DNAH11: variants seen among roughly 807,000 people sequenced by gnomAD.
DNAH11 encodes the protein axonemal beta dynein heavy chain 11.
Under a neutral mutation model 526.0 loss-of-function variants are expected in DNAH11, and 442 were observed. The ratio of observed to expected loss-of-function variants is 0.84; its 90% CI spans 0.78 to 0.91. The LOEUF is 0.91. Ranked by LOEUF, DNAH11 falls within the 40% of genes least tolerant of loss-of-function variation. The pLI, the probability that DNAH11 is intolerant of heterozygous loss-of-function variation, is 0.00. For missense variants in DNAH11, 6,989 were observed against 5,448.7 expected, an observed-to-expected ratio of 1.28 and a Z score of -8.90; for synonymous variants, 2,461 against 1,935.9, an observed-to-expected ratio of 1.27 and a Z score of -7.12.
chr7:21,748,459 G>A (rs1386058829), intron 51 of DNAH11, 121 bp from the exon 52 acceptor site: 27 of 1,150,674 alleles, frequency 2.3e-5, no homozygotes, highest in Admixed American at 3.9e-5. Context: ...ACTGCACTCC[G>A]GCCTGGGCAA....
chr7:21,870,324 TAAAG>T (rs1783448840), intron 73 of DNAH11, among the ~76,000 whole-genome samples: 1 of 152,174 alleles, frequency 6.6e-6, no homozygotes, highest in Non-Finnish European at 1.5e-5. Context: ...ACTGGATTCA[TAAAG>T]AAGCTTCCAG....
chr7:21,696,252 C>T (rs2128476551), intron 35 of DNAH11, among the ~76,000 whole-genome samples: 1 of 152,182 alleles, frequency 6.6e-6, no homozygotes, highest in African/African-American at 2.4e-5. Context: ...GGTATTTAAC[C>T]ATATTTCATT....
chr7:21,571,953 C>G lies in DNAH11; in HGVS notation c.1573C>G (p.Pro525Ala). ...ACTTTTTAAACAGAGCACTTATGAC[C>G]CATCTGATTGCACTAACATGGTAAT... The part of the protein sequence containing the change: ...CKLFKQSTYD[P>A]SDCTNMEFES... The change falls in exon 8 of 82, where the codon CCA becomes GCA. Residue 525 changes from proline (P) to alanine (A), a missense_variant. Physicochemically the swap from Pro to Ala is conservative, Grantham distance 27. Coordinates refer to ENST00000409508, the MANE Select transcript of DNAH11 (RefSeq NM_001277115.2). 2 of 1,578,042 alleles carry G rather than the reference C, an allele frequency of 1.3e-6. No homozygotes were observed. Among genetic ancestry groups the G allele is most frequent in the Non-Finnish European group, 1.7e-6 (2 of 1,165,488 alleles).
chr7:21,588,914 T>C (rs1784572499), intron 11 of DNAH11, among the ~76,000 whole-genome samples: 1 of 152,162 alleles, frequency 6.6e-6, no homozygotes, highest in South Asian at 2.1e-4. Context: ...TTGTTTTTCC[T>C]TTTTCCAATA....
intron 45 of DNAH11, among the ~76,000 whole-genome samples, chr7:21,729,153 C>T (rs375655784): frequency 4.8e-4 from 73 of 152,334 alleles, no homozygotes; most frequent in African/African-American, 1.7e-3. Context: ...TTTGGAGTTA[C>T]TTTCCCTTTT....
chr7:21,697,626 A>T (rs1313085490), intron 35 of DNAH11, among the ~76,000 whole-genome samples: 1 of 152,088 alleles, frequency 6.6e-6, no homozygotes, highest in African/African-American at 2.4e-5. Context: ...ATTTAGTGAT[A>T]TTGTGTTGGT....
chr7:21,641,991 C>T (rs1583556005), intron 28 of DNAH11, among the ~76,000 whole-genome samples: 3 of 152,144 alleles, frequency 2.0e-5, no homozygotes, highest in South Asian at 2.1e-4. Context: ...ATAAATGCCA[C>T]CACGCTAACA....
chr7:21,789,857 TCC>T (rs1491142063), intron 61 of DNAH11, among the ~76,000 whole-genome samples: 40 of 114,578 alleles, frequency 3.5e-4, no homozygotes, highest in East Asian at 6.8e-4. Flanking sequence ...TCTTTCTCTC[TCC>T]TTCCTTCCTT....
chr7:21,596,601 A>G (rs769332625), intron 14 of DNAH11, among the ~76,000 whole-genome samples: 1 of 152,150 alleles, frequency 6.6e-6, no homozygotes, highest in African/African-American at 2.4e-5. Context: ...AAAAAAATGT[A>G]CTCCCCAAAC....
At position 21,647,427 on chromosome 7, in the gene DNAH11, C is replaced by CTTT. The variant is rs71026810; in HGVS notation, c.4944+8380_4944+8382dup. On this transcript the variant is annotated intron_variant, in intron 28 of 81. Transcript: ENST00000409508. ...CAGTGGAGTAGCAATTTCTTTCTTT[C>CTTT]TTTTTTTTTTTTTTTTTTTTGAGAC... 9.4e-3 allele frequency among the ~76,000 whole-genome samples: 1,143 copies of CTTT among 121,156 alleles called. 35 individuals are homozygous for CTTT. Among genetic ancestry groups the CTTT allele is most frequent in the Admixed American group, 0.026 (292 of 11,296 alleles). 79.5% of individuals were successfully genotyped at this position (121,156 alleles called of 152,430 possible). A position where few individuals can be genotyped will look rare whatever the true frequency, so the allele number is the denominator to read the frequency against.
At chr7:21,620,721 C>A (rs1254770339) in intron 25 of DNAH11, among the ~76,000 whole-genome samples, 4 of 114,890 alleles carry the variant, frequency 3.5e-5, no homozygotes, top group East Asian at 3.2e-4. Flanking sequence ...CCCCTCCCCC[C>A]ACCCCACAAC....
intron 28 of DNAH11, among the ~76,000 whole-genome samples, chr7:21,646,760 C>T (rs1787370514): frequency 1.3e-5 from 2 of 152,094 alleles, no homozygotes; most frequent in African/African-American, 4.8e-5. Flanking sequence ...ATAAATAGCC[C>T]TAGATTAGAC....
chr7:21,816,514 G>A lies in DNAH11; in HGVS notation c.10380G>A (p.Thr3460=), dbSNP rs535847014. ...GCCTGGACTTGATATCCATGTTGAC[G>A]GATGATGCTACAATTGCCGCCTGGA... The part of the protein sequence containing the change: ...TEGLDLISML[T]DDATIAAWNN... The change falls in exon 64 of 82, where the codon ACG becomes ACA. Residue 3460 remains threonine (T), a synonymous_variant. Coordinates refer to ENST00000409508, the MANE Select transcript of DNAH11 (RefSeq NM_001277115.2). The A allele has an allele frequency of 1.2e-4, 198 of 1,611,932 alleles. No individual in the cohort carries two copies. Among genetic ancestry groups the A allele is most frequent in the Middle Eastern group, 1.7e-4 (1 of 6,060 alleles).
chr7:21,862,059 A>G (rs1257535682), intron 69 of DNAH11, 36 bp downstream of exon 69: 1 of 1,573,470 alleles, frequency 6.4e-7, no homozygotes, highest in Non-Finnish European at 8.6e-7. Flanking sequence ...GGATCCCCAG[A>G]ACCAAAGGCA....
chr7:21,608,054 T>A (rs1785371967), intron 20 of DNAH11, among the ~76,000 whole-genome samples: 2 of 151,860 alleles, frequency 1.3e-5, no homozygotes, highest in Admixed American at 6.6e-5. Flanking sequence ...TTTTTTTTTT[T>A]TAATCAGAAA....
intron 9 of DNAH11, among the ~76,000 whole-genome samples, chr7:21,587,591 G>A (rs968611146): frequency 1.2e-4 from 18 of 152,014 alleles, no homozygotes; most frequent in Admixed American, 1.0e-3. Context: ...ATGTACCAGC[G>A]GCCATAGGCA....
At chr7:21,714,329 G>C (rs1224760155) in intron 42 of DNAH11, among the ~76,000 whole-genome samples, 2 of 152,086 alleles carry the variant, frequency 1.3e-5, no homozygotes, top group Admixed American at 1.3e-4. Context: ...TCATATGTGT[G>C]ACCAAATAAT....
At chr7:21,861,141 C>T (rs1168029331) in intron 68 of DNAH11, among the ~76,000 whole-genome samples, 1 of 152,092 alleles carries the variant, frequency 6.6e-6, no homozygotes, top group Non-Finnish European at 1.5e-5. Flanking sequence ...AAAGTGGTTG[C>T]CAGGGATGCG....
chr7:21,847,322 T>A (rs1392183674), intron 66 of DNAH11, among the ~76,000 whole-genome samples: 2 of 152,230 alleles, frequency 1.3e-5, no homozygotes, highest in Non-Finnish European at 2.9e-5. Context: ...ATGCATTCAA[T>A]GCTATAAATT....
Sources: gnomAD v4.1 joint callset for allele counts (sites outside exome capture counted in the v4.1 genomes callset) on GRCh38, gnomAD v4.1.1 for gene constraint, MANE v1.5 for transcripts, NCBI Gene and HGNC (gene_info 2026-07-23, HGNC 2026-07-21) for gene names.